GRID1: variants seen among roughly 807,000 people sequenced by gnomAD.
GRID1 encodes glutamate ionotropic receptor delta type subunit 1.
In GRID1, 28 loss-of-function variants were observed where a neutral mutation model predicts 98.0. The observed-to-expected ratio is 0.29, with a 90% CI of 0.21 to 0.39. The LOEUF (loss-of-function observed/expected upper bound fraction) is 0.39. Among genes scored for constraint, GRID1 ranks in the 10% least tolerant of loss-of-function variants. GRID1 has a pLI of 1.00. For synonymous variants in GRID1, 553 were observed against 538.5 expected (o/e 1.03, Z -0.37); for missense variants, 1,111 against 1,340.5 (o/e 0.83, Z 2.67).
chr10:86,151,337 T>G (rs1589389055), intron 3 of GRID1, among the ~76,000 whole-genome samples: 1 of 152,060 alleles, frequency 6.6e-6, no homozygotes. Flanking sequence ...ATTTCACAGA[T>G]AAGTCACTGG....
At chr10:85,709,560 C>A (rs966149844) in intron 12 of GRID1, among the ~76,000 whole-genome samples, 4 of 152,158 alleles carry the variant, frequency 2.6e-5, no homozygotes, top group African/African-American at 9.7e-5. Flanking sequence ...ATTTAGTCTA[C>A]CTCTTCAATT....
At chr10:85,819,124 G>A (rs1842739892) in intron 8 of GRID1, among the ~76,000 whole-genome samples, 1 of 152,168 alleles carries the variant, frequency 6.6e-6, no homozygotes, top group South Asian at 2.1e-4. Flanking sequence ...GGGAGGGGAA[G>A]AGTCAAATCC....
intron 5 of GRID1, among the ~76,000 whole-genome samples, chr10:85,910,017 G>T (rs1841515915): frequency 6.6e-6 from 1 of 152,116 alleles, no homozygotes; most frequent in African/African-American, 2.4e-5. Flanking sequence ...TCTGATAAAT[G>T]GCAACTCCTG....
chr10:86,035,317 GAATT>G (rs1564655907), intron 4 of GRID1, among the ~76,000 whole-genome samples: 1 of 152,172 alleles, frequency 6.6e-6, no homozygotes, highest in Non-Finnish European at 1.5e-5. Context: ...TAGTCGTGCT[GAATT>G]ATTTGACTCA....
intron 8 of GRID1, among the ~76,000 whole-genome samples, chr10:85,807,295 A>G (rs1038192083): frequency 6.6e-6 from 1 of 152,002 alleles, no homozygotes; most frequent in Non-Finnish European, 1.5e-5. Flanking sequence ...GGTTGCAGTG[A>G]GCTGAGATCA....
intron 5 of GRID1, among the ~76,000 whole-genome samples, chr10:85,879,049 T>A (rs1014863891): frequency 8.6e-5 from 13 of 151,782 alleles, no homozygotes; most frequent in Non-Finnish European, 1.8e-4. Flanking sequence ...GGTAAAGGGA[T>A]CAATTCAACA....
At chr10:85,634,270 C>T (rs1483910938) in intron 13 of GRID1, among the ~76,000 whole-genome samples, 1 of 143,762 alleles carries the variant, frequency 7.0e-6, no homozygotes, top group African/African-American at 2.7e-5. Context: ...CTCTCTCTCT[C>T]TCTCTCTCTC....
At chr10:85,961,431 C>T (rs557331158) in intron 4 of GRID1, among the ~76,000 whole-genome samples, 38 of 152,218 alleles carry the variant, frequency 2.5e-4, no homozygotes, top group South Asian at 1.0e-3. Flanking sequence ...GGAGGCCTCC[C>T]GCCACTTGGG....
At chr10:85,880,229 T>A (rs1489902858) in intron 5 of GRID1, among the ~76,000 whole-genome samples, 1 of 152,114 alleles carries the variant, frequency 6.6e-6, no homozygotes, top group Admixed American at 6.5e-5. Flanking sequence ...CTGAAACTAT[T>A]CCAATCAACA....
chr10:85,971,768 G>A (rs986653385), intron 4 of GRID1, among the ~76,000 whole-genome samples: 5 of 152,078 alleles, frequency 3.3e-5, no homozygotes, highest in Admixed American at 6.6e-5. Flanking sequence ...CAATCATTTT[G>A]GGATAATGTT....
intron 2 of GRID1, among the ~76,000 whole-genome samples, chr10:86,357,535 G>A (rs1490354982): frequency 6.6e-6 from 1 of 152,234 alleles, no homozygotes; most frequent in Non-Finnish European, 1.5e-5. Flanking sequence ...CTGGAGTGTA[G>A]TCTATAAAAT....
intron 13 of GRID1, among the ~76,000 whole-genome samples, chr10:85,625,595 G>T (rs1017414624): frequency 7.2e-5 from 11 of 152,160 alleles, no homozygotes. Context: ...AGCAGCTAGA[G>T]AGACCACCCA....
intron 8 of GRID1, among the ~76,000 whole-genome samples, chr10:85,814,661 T>C (rs151260190): frequency 0.012 from 1,823 of 152,078 alleles, 40 homozygotes; most frequent in African/African-American, 0.041. Flanking sequence ...TAATTCTATG[T>C]CTATAAATTA....
chr10:85,849,558 G>A (rs1843038685), intron 8 of GRID1, among the ~76,000 whole-genome samples: 1 of 152,206 alleles, frequency 6.6e-6, no homozygotes, highest in Admixed American at 6.5e-5. Context: ...ATGCCCTAAT[G>A]CTGGCTGGGG....
At chr10:85,962,088 C>T (rs75304551) in intron 4 of GRID1, among the ~76,000 whole-genome samples, 7,896 of 152,228 alleles carry the variant, frequency 0.052, 244 homozygotes, top group Middle Eastern at 0.11. Context: ...GTCTGTGGAT[C>T]CTGAGGTCTA....
chr10:85,607,190 T>TTA (rs1842679681), intron 15 of GRID1: 1 of 152,244 alleles, frequency 6.6e-6, no homozygotes, highest in South Asian at 2.1e-4. Context: ...AATGTGGAAA[T>TTA]AATACAGTGT....
chr10:85,805,501 T>A (rs1198942907), intron 8 of GRID1, among the ~76,000 whole-genome samples: 1 of 151,892 alleles, frequency 6.6e-6, no homozygotes, highest in Non-Finnish European at 1.5e-5. Context: ...TAAGAAATTA[T>A]GTGATTCTAA....
rs140750607 is a variant in GRID1 at position 86,091,556 on chromosome 10, G to C, written c.726+47263C>G. 6.8e-3 allele frequency among the ~76,000 whole-genome samples: 1,031 copies of C among 151,826 alleles called. 15 individuals carry two copies. The highest frequency in any genetic ancestry group is 0.024 in the African/African-American group (981 of 41,330). ...TGATGGTCCTTCCCTACCTACCCTG[G>C]TAGCAGAAGACAAAAGACATATAAC... On this transcript the variant is annotated intron_variant, in intron 4 of 15. Coordinates refer to ENST00000327946, the MANE Select transcript of GRID1 (RefSeq NM_017551.3).
At chr10:85,981,861 G>C (rs1219417653) in intron 4 of GRID1, among the ~76,000 whole-genome samples, 1 of 152,150 alleles carries the variant, frequency 6.6e-6, no homozygotes, top group African/African-American at 2.4e-5. Context: ...TGACAAATAC[G>C]ATGAAGTCAG....
Sources: gnomAD v4.1 joint callset for allele counts (sites outside exome capture counted in the v4.1 genomes callset) on GRCh38, gnomAD v4.1.1 for gene constraint, MANE v1.5 for transcripts, NCBI Gene and HGNC (gene_info 2026-07-23, HGNC 2026-07-21) for gene names.